The following INPPL1 variants were observed in gnomAD, a reference collection of about 807,000 sequenced individuals.
The protein encoded by INPPL1 is inositol polyphosphate phosphatase like 1.
A neutral mutation model predicts 139.3 loss-of-function variants in INPPL1; 91 were observed. The observed-to-expected ratio is 0.65, with a 90% CI of 0.55 to 0.78. The LOEUF (loss-of-function observed/expected upper bound fraction) is 0.78. Among genes scored for constraint, INPPL1 ranks in the 30% least tolerant of loss-of-function variants. The pLI is 0.00. For missense variants in INPPL1, 1,411 were observed against 1,665.6 expected, an observed-to-expected ratio of 0.85 and a Z score of 2.66; for synonymous variants, 719 against 686.6, an observed-to-expected ratio of 1.05 and a Z score of -0.74.
chr11:72,228,558 C>T lies in INPPL1; in HGVS notation c.397+60C>T. ...TGTCCCTTGGCTCTACCTGCCTCTT[C>T]CCATCCCCCCTTCTCAACCCCACCT... On this transcript the variant is annotated intron_variant, in intron 3 of 27. Coordinates refer to ENST00000298229, the MANE Select transcript of INPPL1 (RefSeq NM_001567.4). The surrounding 1 kb of genome is among the most constrained non-coding windows in gnomAD (Gnocchi z 5.0). The T allele has an allele frequency of 6.3e-7, 1 of 1,582,860 alleles. No homozygotes were observed. Among genetic ancestry groups the T allele is most frequent in the South Asian group, 1.1e-5 (1 of 90,086 alleles).
At position 72,237,776 on chromosome 11, in the gene INPPL1, C is replaced by T; in HGVS notation, c.3532C>T (p.Gln1178Ter). 1.2e-6 allele frequency: 2 copies of T among 1,608,514 alleles called. No individual in the cohort carries two copies. Among genetic ancestry groups the T allele is most frequent in the Non-Finnish European group, 1.7e-6 (2 of 1,178,022 alleles). Residue 1178 changes from glutamine to a stop codon, truncating the protein, a stop_gained, in exon 26 of 28, where the codon CAG becomes TAG. Coordinates refer to ENST00000298229, the MANE Select transcript of INPPL1 (RefSeq NM_001567.4). LOFTEE classifies it high-confidence loss of function. ...TCCACCCCGCATCCGGGAGAGCATC[C>T]AGGAAGACCTGGCAGAGGAGGTGTG... is the stretch of plus-strand genomic sequence containing the variant. Reference protein sequence around the residue: ...FPPPRIRESIQEDLAEEAPCL... With the variant: ...FPPPRIRESI
At chr11:72,230,928 G>A (rs1948815561) in intron 11 of INPPL1, 30 bp downstream of exon 11, 1 of 1,612,732 alleles carries the variant, frequency 6.2e-7, no homozygotes, top group African/African-American at 1.3e-5. Flanking sequence ...TGGGGCGGGA[G>A]AGAGGGATGG....
Position 72,235,242 on chromosome 11 carries a change from A to G in INPPL1, c.2503+39A>G. 6.2e-7 allele frequency: 1 copy of G among 1,613,838 alleles called. No individual in the cohort carries two copies. Among genetic ancestry groups the G allele is most frequent in the Non-Finnish European group, 8.5e-7 (1 of 1,179,828 alleles). ...GGTGCTGAGGGGAACAGGAAGCCAG[A>G]CAGGGCCCTAGATTAGCTTGGTAAT... On this transcript the variant is annotated intron_variant, in intron 22 of 27. Coordinates refer to ENST00000298229, the MANE Select transcript of INPPL1 (RefSeq NM_001567.4). This position sits in a 1 kb window ranked among gnomAD's most constrained non-coding sequence, Gnocchi z 4.9.
chr11:72,237,157 G>T lies in INPPL1; in HGVS notation c.2913G>T (p.Gly971=), dbSNP rs1258731214. ...LKPEGAPEPE[G]VAAPPPKNSF... Reference sequence around the variant, plus strand: ...CAGAGGGAGCTCCTGAACCAGAAGGGGTGGCGGCCCCCCCACCCAAGAACA... The same window carrying T: ...CAGAGGGAGCTCCTGAACCAGAAGGTGTGGCGGCCCCCCCACCCAAGAACA... Residue 971 remains glycine, a synonymous_variant, in exon 26 of 28, where the codon GGG becomes GGT. Transcript: ENST00000298229. The T allele has an allele frequency of 2.5e-6, 4 of 1,600,662 alleles. No homozygotes were observed. In the Admixed American group the frequency reaches 5.1e-5, roughly 20 times the overall value.
rs1047884256 is a variant in INPPL1 at position 72,234,864 on chromosome 11, C to G, written c.2415+249C>G. Among the ~76,000 whole-genome samples the G allele has an allele frequency of 2.0e-5, 3 of 151,912 alleles. No homozygotes were observed. Among genetic ancestry groups the G allele is most frequent in the African/African-American group, 7.3e-5 (3 of 41,320 alleles). ...ATTCATTCAGGAGATGCTTCTTGAG[C>G]TTTTGCTAGATGTCAGGTCCTGTGT... On this transcript the variant is annotated intron_variant, in intron 21 of 27. Coordinates refer to ENST00000298229, the MANE Select transcript of INPPL1 (RefSeq NM_001567.4). The surrounding 1 kb of genome is among the most constrained non-coding windows in gnomAD (Gnocchi z 4.2).
Position 72,232,654 on chromosome 11 carries a change from C to T in INPPL1, c.1741C>T (p.Arg581Trp), listed in dbSNP as rs761761079. The T allele has an allele frequency of 5.0e-6, 8 of 1,613,840 alleles. No homozygotes were observed. The highest frequency in any genetic ancestry group is 1.6e-4 in the Middle Eastern group (1 of 6,084). Residue 581 changes from arginine to tryptophan, a missense_variant, in exon 15 of 28, where the codon CGG becomes TGG. Coordinates refer to ENST00000298229, the MANE Select transcript of INPPL1 (RefSeq NM_001567.4). Reference sequence around the variant, plus strand: ...GAACCAAAACTACTTGGACATCCTGCGGCTGCTCTCGCTGGGCGACCGGCA... The same window carrying T: ...GAACCAAAACTACTTGGACATCCTGTGGCTGCTCTCGCTGGGCGACCGGCA... Reference protein sequence around the residue: ...RRNQNYLDILRLLSLGDRQLN... With the variant: ...RRNQNYLDILWLLSLGDRQLN...
At position 72,228,798 on chromosome 11, in the gene INPPL1, A is replaced by G. The variant is rs753229253; in HGVS notation, c.469A>G (p.Ser157Gly). Residue 157 changes from serine (S) to glycine (G), a missense_variant, in exon 4 of 28, where the codon AGC becomes GGC. Ser to Gly is a moderately conservative substitution (Grantham distance 56). Coordinates refer to ENST00000298229, the MANE Select transcript of INPPL1 (RefSeq NM_001567.4). The surrounding 1 kb of genome is among the most constrained non-coding windows in gnomAD (Gnocchi z 5.0). ...CAGCATTTCTGCCCCCACTGGGCCC[A>G]GCAGTCCCCTGCCAGCTCCTGAGAC... ...STSISAPTGP[S>G]SPLPAPETPT... 7.4e-6 allele frequency: 12 copies of G among 1,612,788 alleles called. No individual in the cohort carries two copies. The highest frequency in any genetic ancestry group is 1.0e-5 in the Non-Finnish European group (12 of 1,179,444).
At position 72,235,999 on chromosome 11, in the gene INPPL1, A is replaced by G. The variant is rs1948978763; in HGVS notation, c.2879+13A>G. ...CCTTGACCCCCAGGTGAGAGGAGGA[A>G]CCTGTCACCGCCCCCCCTTCCCCCA... On this transcript the variant is annotated intron_variant, in intron 25 of 27. Coordinates refer to ENST00000298229, the MANE Select transcript of INPPL1 (RefSeq NM_001567.4). This position sits in a 1 kb window ranked among gnomAD's most constrained non-coding sequence, Gnocchi z 4.9. The G allele has an allele frequency of 2.0e-6, 3 of 1,482,942 alleles. No homozygotes were observed. The highest frequency in any genetic ancestry group is 1.4e-5 in the African/African-American group (1 of 71,482). 91.9% of individuals were successfully genotyped at this position (1,482,942 alleles called of 1,614,324 possible).
intron 1 of INPPL1, 199 bp downstream of exon 1, chr11:72,225,365 T>G (rs1948641446): frequency 1.0e-6 from 1 of 985,434 alleles, no homozygotes; most frequent in African/African-American, 1.7e-5. Flanking sequence ...CTGGGGGCAC[T>G]TTCAGGAGCC....
In INPPL1 at chr11:72,228,957, A is replaced by C; in HGVS notation, c.518+110A>C. 1 of 1,518,316 alleles carries C rather than the reference A, an allele frequency of 6.6e-7. No homozygotes were observed. Among genetic ancestry groups the C allele is most frequent in the Middle Eastern group, 1.8e-4 (1 of 5,616 alleles). The allele number at this position is 1,518,316 out of a possible 1,614,324, so 94.1% of individuals were successfully genotyped here. A position where few individuals can be genotyped will look rare whatever the true frequency, so the allele number is the denominator to read the frequency against. ...AGACCCCACCAGGGACCCCCACCCC[A>C]CCTCAGCCCAGAGGCAGATAACCTG... On this transcript the variant is annotated intron_variant, in intron 4 of 27. Coordinates refer to ENST00000298229, the MANE Select transcript of INPPL1 (RefSeq NM_001567.4). The surrounding 1 kb of genome is among the most constrained non-coding windows in gnomAD (Gnocchi z 5.0).
In INPPL1 at chr11:72,228,517, G is replaced by T; in HGVS notation, c.397+19G>T. On this transcript the variant is annotated intron_variant, in intron 3 of 27. Transcript: ENST00000298229. This position sits in a 1 kb window ranked among gnomAD's most constrained non-coding sequence, Gnocchi z 5.0. Reference sequence around the variant, plus strand: ...GCCTCAGGTACTTCCCAGTGTGCAGGTCCCCTCCCTGCCCCTGTCCCTTGG... The same window carrying T: ...GCCTCAGGTACTTCCCAGTGTGCAGTTCCCCTCCCTGCCCCTGTCCCTTGG... The T allele has an allele frequency of 6.2e-7, 1 of 1,602,274 alleles. No individual in the cohort carries two copies. Among genetic ancestry groups the T allele is most frequent in the South Asian group, 1.1e-5 (1 of 90,978 alleles).
At position 72,228,343 on chromosome 11, in the gene INPPL1, C is replaced by T. The variant is rs779288154; in HGVS notation, c.247-5C>T. On this transcript the variant is annotated splice_polypyrimidine_tract_variant and splice_region_variant and intron_variant, in intron 2 of 27. Coordinates refer to ENST00000298229, the MANE Select transcript of INPPL1 (RefSeq NM_001567.4). This position sits in a 1 kb window ranked among gnomAD's most constrained non-coding sequence, Gnocchi z 5.0. The stretch of plus-strand genomic sequence containing the variant: ...ACCCTTCCTCCCACCCTTGCTGGCC[C>T]ACAGACCTCGCAGGGTGTGCCTGTG... The T allele has an allele frequency of 4.3e-6, 7 of 1,613,808 alleles. No individual in the cohort carries two copies. Among genetic ancestry groups the T allele is most frequent in the Non-Finnish European group, 4.2e-6 (5 of 1,179,932 alleles).
chr11:72,231,501 G>A lies in INPPL1; in HGVS notation c.1501G>A (p.Ala501Thr), dbSNP rs1224379119. 1 of 1,612,130 alleles carries A rather than the reference G, an allele frequency of 6.2e-7. No individual in the cohort carries two copies. Among genetic ancestry groups the A allele is most frequent in the Admixed American group, 1.7e-5 (1 of 60,012 alleles). The change falls in exon 13 of 28, where the codon GCC (alanine) becomes ACC (threonine). Residue 501 changes from alanine (A) to threonine (T), a missense_variant. Ala to Thr is a moderately conservative substitution (Grantham distance 58, BLOSUM62 0). Coordinates refer to ENST00000298229, the MANE Select transcript of INPPL1 (RefSeq NM_001567.4). The stretch of plus-strand genomic sequence containing the variant: ...TGACCATGCACTCTCTACCCAGATT[G>A]CCATGCAATCACTGTGGAATATCAA... ...ELTDLDYRPI[A>T]MQSLWNIKVA...
chr11:72,233,216 C>G, intron 17 of INPPL1, 53 bp downstream of exon 17: 1 of 1,528,892 alleles, frequency 6.5e-7, no homozygotes. Context: ...TGCGATGAAT[C>G]AAGAATTTGG....
Position 72,228,004 on chromosome 11 carries a change from T to TAGGC in INPPL1, c.183-184_183-181dup. ...GGGTGTTCTGGTCATTCCTGCCCAA[T>TAGGC]AGGCAACACCAGGAGGGTGGAAGTG... is the stretch of plus-strand genomic sequence containing the variant. On this transcript the variant is annotated intron_variant, in intron 1 of 27. Transcript: ENST00000298229. This position sits in a 1 kb window ranked among gnomAD's most constrained non-coding sequence, Gnocchi z 5.0. 5 of 633,586 alleles carry TAGGC rather than the reference T, an allele frequency of 7.9e-6. No individual in the cohort carries two copies. Among genetic ancestry groups the TAGGC allele is most frequent in the Admixed American group, 2.3e-5 (1 of 43,056 alleles). 39.2% of individuals were successfully genotyped at this position (633,586 alleles called of 1,614,324 possible).
At chr11:72,226,170 G>T (rs890550280) in intron 1 of INPPL1, among the ~76,000 whole-genome samples, 2 of 151,390 alleles carry the variant, frequency 1.3e-5, no homozygotes, top group Non-Finnish European at 2.9e-5. Context: ...CCTAGACCAG[G>T]GGAGACCTTT....
chr11:72,227,121 A>C (rs1443457442), intron 1 of INPPL1, among the ~76,000 whole-genome samples: 1 of 152,202 alleles, frequency 6.6e-6, no homozygotes, highest in East Asian at 1.9e-4. Context: ...GATAACATGC[A>C]AGACACGCCC....
At chr11:72,237,818 T>G (rs988976137) in intron 26 of INPPL1, 22 bp downstream of exon 26, 19 of 1,576,896 alleles carry the variant, frequency 1.2e-5, no homozygotes, top group Non-Finnish European at 1.5e-5. Flanking sequence ...AGGGTGGCTG[T>G]CTGTGTGTGC....
chr11:72,227,708 G>A (rs1229118843), intron 1 of INPPL1, among the ~76,000 whole-genome samples: 3 of 152,200 alleles, frequency 2.0e-5, no homozygotes, highest in African/African-American at 4.8e-5. Flanking sequence ...CACACTCCTC[G>A]GCACAAGTGC....
Sources: gnomAD v4.1 joint callset for allele counts (sites outside exome capture counted in the v4.1 genomes callset) on GRCh38, gnomAD v4.1.1 for gene constraint, Gnocchi (gnomAD v3.1) non-coding constraint, MANE v1.5 for transcripts, NCBI Gene and HGNC (gene_info 2026-07-23, HGNC 2026-07-21) for gene names.